Variants in C8A observed in about 807,000 individuals in gnomAD.
C8A encodes the protein complement component C8 alpha chain.
In C8A, 67 loss-of-function variants were observed where a neutral mutation model predicts 65.3. That is an observed-to-expected ratio of 1.03 (90% CI 0.84 to 1.26). The LOEUF (loss-of-function observed/expected upper bound fraction) is 1.26, where lower values mean the gene tolerates loss of function less well. Ranked by LOEUF, C8A falls within the 50% of genes most tolerant of loss-of-function variation. C8A has a pLI of 0.00. For synonymous variants in C8A, 290 were observed against 259.4 expected, an observed-to-expected ratio of 1.12 and a Z score of -1.13; for missense variants, 781 against 723.9, an observed-to-expected ratio of 1.08 and a Z score of -0.90.
chr1:56,891,347 T>C (rs1236597785), intron 7 of C8A, among the ~76,000 whole-genome samples: 1 of 151,888 alleles, frequency 6.6e-6, no homozygotes, highest in Non-Finnish European at 1.5e-5. Context: ...GAAACTGAGG[T>C]TGGAAGAAGC....
intron 10 of C8A, among the ~76,000 whole-genome samples, chr1:56,913,489 G>A (rs1171163386): frequency 2.0e-5 from 3 of 152,222 alleles, no homozygotes; most frequent in East Asian, 3.9e-4. Context: ...GCTTAAAAAT[G>A]AAGAAGTCTG....
intron 4 of C8A, among the ~76,000 whole-genome samples, chr1:56,879,595 T>A (rs1446895614): frequency 6.6e-6 from 1 of 152,200 alleles, no homozygotes; most frequent in Non-Finnish European, 1.5e-5. Flanking sequence ...CAGATTTTAC[T>A]ATCAACAAAA....
chr1:56,888,796 T>C (rs1644321438), intron 7 of C8A, among the ~76,000 whole-genome samples: 1 of 152,150 alleles, frequency 6.6e-6, no homozygotes, highest in African/African-American at 2.4e-5. Flanking sequence ...TCGGGGGCTA[T>C]TGCACATATT....
chr1:56,901,726 G>T (rs996998935), intron 7 of C8A, among the ~76,000 whole-genome samples: 4 of 151,844 alleles, frequency 2.6e-5, no homozygotes. Context: ...TCCTCTGCAG[G>T]GTCTCCCTCA....
intron 9 of C8A, among the ~76,000 whole-genome samples, chr1:56,911,640 C>A (rs892619680): frequency 6.6e-6 from 1 of 152,168 alleles, no homozygotes; most frequent in Non-Finnish European, 1.5e-5. Context: ...AATACAAGGA[C>A]AGCCCACTCC....
At chr1:56,873,015 A>G (rs1394598982) in intron 2 of C8A, among the ~76,000 whole-genome samples, 2 of 152,144 alleles carry the variant, frequency 1.3e-5, no homozygotes, top group Non-Finnish European at 2.9e-5. Context: ...ATGTTCTCCA[A>G]CTGGTCATTA....
rs557278454 is a variant in C8A at position 56,906,740 on chromosome 1, T to C, written c.1170T>C (p.Val390=). Reference sequence around the variant, plus strand: ...TTCAATATGAAGACAAAATAAATGTTGGTGGAGGTTTATCAGGAGACCATT... The same window carrying C: ...TTCAATATGAAGACAAAATAAATGTCGGTGGAGGTTTATCAGGAGACCATT... ...LGIQYEDKIN[V]GGGLSGDHCK... Residue 390 remains valine (V), a synonymous_variant, in exon 8 of 11, where the codon GTT becomes GTC. Transcript: ENST00000361249. 1 of 1,614,096 alleles carries C rather than the reference T, an allele frequency of 6.2e-7. No homozygotes were observed. Among genetic ancestry groups the C allele is most frequent in the African/African-American group, 1.3e-5 (1 of 75,052 alleles).
At chr1:56,864,635 C>A (rs1570314442) in intron 1 of C8A, among the ~76,000 whole-genome samples, 1 of 152,080 alleles carries the variant, frequency 6.6e-6, no homozygotes, top group African/African-American at 2.4e-5. Context: ...AACCGAGCAA[C>A]CAGAGAGTTG....
intron 7 of C8A, among the ~76,000 whole-genome samples, chr1:56,890,772 C>T (rs1644338606): frequency 6.6e-6 from 1 of 152,070 alleles, no homozygotes; most frequent in Non-Finnish European, 1.5e-5. Context: ...GTGTGTATAG[C>T]AGTATTCTTA....
chr1:56,865,140 C>T (rs1035729976), intron 1 of C8A, among the ~76,000 whole-genome samples: 4 of 152,080 alleles, frequency 2.6e-5, no homozygotes, highest in African/African-American at 4.8e-5. Flanking sequence ...ATGGGAAGAA[C>T]GCATAAAGAA....
chr1:56,888,715 G>A (rs1020900706), intron 7 of C8A, among the ~76,000 whole-genome samples: 49 of 152,140 alleles, frequency 3.2e-4, no homozygotes, highest in African/African-American at 1.2e-3. Flanking sequence ...ACTCAAGTGG[G>A]TCTTTTAAGA....
chr1:56,869,441 T>C (rs1353877617), intron 2 of C8A, among the ~76,000 whole-genome samples: 1 of 152,214 alleles, frequency 6.6e-6, no homozygotes. Context: ...TTGGGTTGTT[T>C]CCATAGTTTT....
At chr1:56,889,899 A>G (rs1644331115) in intron 7 of C8A, among the ~76,000 whole-genome samples, 1 of 152,116 alleles carries the variant, frequency 6.6e-6, no homozygotes, top group Non-Finnish European at 1.5e-5. Flanking sequence ...TTAGACTTCA[A>G]TGAGATCCTA....
At chr1:56,913,507 G>A (rs911769320) in intron 10 of C8A, among the ~76,000 whole-genome samples, 3 of 152,192 alleles carry the variant, frequency 2.0e-5, no homozygotes, top group African/African-American at 7.2e-5. Context: ...CTGGGGACTT[G>A]GATGTGAATC....
chr1:56,878,588 C>G (rs1644221577), intron 4 of C8A, among the ~76,000 whole-genome samples: 1 of 152,144 alleles, frequency 6.6e-6, no homozygotes, highest in Non-Finnish European at 1.5e-5. Flanking sequence ...TTCTATTTAT[C>G]TCAGATCTCA....
chr1:56,902,747 T>G (rs1644436376), intron 7 of C8A, among the ~76,000 whole-genome samples: 1 of 152,310 alleles, frequency 6.6e-6, no homozygotes, highest in South Asian at 2.1e-4. Flanking sequence ...GCAGTCTTTA[T>G]CCTTTTGTGA....
chr1:56,889,293 C>A (rs1039998887), intron 7 of C8A, among the ~76,000 whole-genome samples: 2 of 152,156 alleles, frequency 1.3e-5, no homozygotes, highest in Non-Finnish European at 2.9e-5. Flanking sequence ...ATCAGAATGT[C>A]ATTTACATAT....
At chr1:56,890,661 C>T (rs973071858) in intron 7 of C8A, among the ~76,000 whole-genome samples, 1 of 152,044 alleles carries the variant, frequency 6.6e-6, no homozygotes, top group Admixed American at 6.6e-5. Flanking sequence ...CAGGTGTTGT[C>T]ATCACTGTTG....
chr1:56,902,163 A>AGCTCACT (rs1384782952), intron 7 of C8A, among the ~76,000 whole-genome samples: 1 of 152,094 alleles, frequency 6.6e-6, no homozygotes, highest in Admixed American at 6.6e-5. Context: ...CAATGGTGAG[A>AGCTCACT]GCTCACTGCC....
Sources: allele counts gnomAD v4.1 joint callset (sites outside exome capture counted in the v4.1 genomes callset), GRCh38; gene constraint gnomAD v4.1.1; transcripts MANE v1.5; gene names NCBI Gene and HGNC (gene_info 2026-07-23, HGNC 2026-07-21).